ZDHHC20: variants seen among roughly 807,000 people sequenced by gnomAD.
ZDHHC20 encodes the protein zDHHC palmitoyltransferase 20.
Under a neutral mutation model 57.8 loss-of-function variants are expected in ZDHHC20, and 43 were observed. That is an observed-to-expected ratio of 0.74 (90% CI 0.58 to 0.96). ZDHHC20 has a LOEUF of 0.96. Among genes scored for constraint, ZDHHC20 ranks in the 40% least tolerant of loss-of-function variants. The pLI is 0.00. For synonymous variants in ZDHHC20, 157 were observed against 153.0 expected (o/e 1.03, Z -0.19); for missense variants, 391 against 441.1 (o/e 0.89, Z 1.02).
intron 4 of ZDHHC20, among the ~76,000 whole-genome samples, chr13:21,410,199 G>T (rs771436039): frequency 1.3e-5 from 2 of 152,244 alleles, no homozygotes; most frequent in African/African-American, 4.8e-5. Context: ...TGTTTGCCTG[G>T]GTATCACCAG....
At chr13:21,409,122 T>C (rs1410560757) in intron 4 of ZDHHC20, among the ~76,000 whole-genome samples, 2 of 152,216 alleles carry the variant, frequency 1.3e-5, no homozygotes, top group East Asian at 1.9e-4. Context: ...GCTGGCCTCA[T>C]AAAATGAGTT....
At chr13:21,418,721 T>C (rs1436783710) in intron 3 of ZDHHC20, among the ~76,000 whole-genome samples, 1 of 152,214 alleles carries the variant, frequency 6.6e-6, no homozygotes, top group African/African-American at 2.4e-5. Flanking sequence ...CTGCCTGGGC[T>C]GCAGTGCAGT....
chr13:21,380,254 T>C lies in ZDHHC20; in HGVS notation c.1060+1180A>G, dbSNP rs113350283. The stretch of plus-strand genomic sequence containing the variant: ...CCTCAGCCTCCCGAGTAGCTGGGAT[T>C]ACAGGCACGTGCCACCACACCTGGC... On this transcript the variant is annotated intron_variant, in intron 11 of 12. Transcript: ENST00000400590. Among the ~76,000 whole-genome samples the C allele has an allele frequency of 1.2e-3, 175 of 151,942 alleles. 1 individual carries two copies. The highest frequency in any genetic ancestry group is 6.8e-3 in the Middle Eastern group (2 of 294).
At chr13:21,446,627 T>G (rs372722912) in intron 1 of ZDHHC20, among the ~76,000 whole-genome samples, 171 of 152,362 alleles carry the variant, frequency 1.1e-3, no homozygotes, top group African/African-American at 4.0e-3. Flanking sequence ...GGGAATCTAT[T>G]CTCCATAAAA....
chr13:21,376,786 A>G, intron 12 of ZDHHC20, 131 bp from the exon 13 acceptor site: 1 of 487,558 alleles, frequency 2.1e-6, no homozygotes, highest in Non-Finnish European at 3.6e-6. Context: ...CCTTAACACT[A>G]CTAATATTAT....
rs900345988 is a variant in ZDHHC20 at position 21,373,821 on chromosome 13, A to G, written c.*2875T>C. 1 of 152,206 alleles carries G rather than the reference A, an allele frequency of 6.6e-6. No homozygotes were observed. Among genetic ancestry groups the G allele is most frequent in the Non-Finnish European group, 1.5e-5 (1 of 68,034 alleles). The allele number at this position is 152,206 out of a possible 1,614,324, so 9.4% of individuals were successfully genotyped here. A position where few individuals can be genotyped will look rare whatever the true frequency, so the allele number is the denominator to read the frequency against. On this transcript the variant is annotated 3_prime_UTR_variant, in exon 13 of 13. Coordinates refer to ENST00000400590, the MANE Select transcript of ZDHHC20 (RefSeq NM_001330059.2). ...GAGGCAGCCTTTCCCTGATTCCCAC[A>G]CCACTTGTAGGCCTTTGCTAGAATG...
chr13:21,449,232 A>T (rs959498064), intron 1 of ZDHHC20, among the ~76,000 whole-genome samples: 18 of 152,284 alleles, frequency 1.2e-4, no homozygotes, highest in East Asian at 1.2e-3. Context: ...TAAATTAAAA[A>T]AAATAAATAA....
chr13:21,450,159 GA>G lies in ZDHHC20; in HGVS notation c.118+8894del, dbSNP rs141738363. ...TATTAGGAGCAGCAGGTTCAAGGGA[GA>G]AAAAAAAAGAAAATCAAGAGTTTTG... On this transcript the variant is annotated intron_variant, in intron 1 of 12. Transcript: ENST00000400590. Among the ~76,000 whole-genome samples, 14 of 150,562 alleles carry G rather than the reference GA, an allele frequency of 9.3e-5. No homozygotes were observed. In the East Asian group the frequency reaches 2.5e-3, roughly 27 times the overall value.
At chr13:21,414,640 G>A (rs1422939809) in intron 3 of ZDHHC20, among the ~76,000 whole-genome samples, 1 of 151,196 alleles carries the variant, frequency 6.6e-6, no homozygotes, top group African/African-American at 2.4e-5. Flanking sequence ...CAAAGTGGTG[G>A]GATTACAGGC....
At chr13:21,427,380 G>A (rs1881382289) in intron 1 of ZDHHC20, among the ~76,000 whole-genome samples, 2 of 152,148 alleles carry the variant, frequency 1.3e-5, no homozygotes, top group Admixed American at 1.3e-4. Context: ...AGTCTGTTCA[G>A]ACTACTGGTA....
chr13:21,419,668 A>G (rs2137898680), intron 3 of ZDHHC20, among the ~76,000 whole-genome samples: 2 of 152,348 alleles, frequency 1.3e-5, no homozygotes, highest in Middle Eastern at 6.8e-3. Context: ...TAATACAAAA[A>G]CAGGCAAAAC....
chr13:21,440,857 AC>A (rs1463594782), intron 1 of ZDHHC20, among the ~76,000 whole-genome samples: 2 of 152,120 alleles, frequency 1.3e-5, no homozygotes, highest in African/African-American at 4.8e-5. Context: ...ATTAGTCAAT[AC>A]ATCTGTCCAT....
At chr13:21,398,924 C>T (rs1329449012) in intron 7 of ZDHHC20, among the ~76,000 whole-genome samples, 2 of 152,092 alleles carry the variant, frequency 1.3e-5, no homozygotes, top group Admixed American at 6.6e-5. Context: ...GTAGAAAGAA[C>T]CAACAGTGAG....
intron 1 of ZDHHC20, among the ~76,000 whole-genome samples, chr13:21,436,628 G>C (rs1169886745): frequency 1.3e-5 from 2 of 152,162 alleles, no homozygotes; most frequent in Admixed American, 1.3e-4. Flanking sequence ...CCACTCCACT[G>C]ACCAGACATT....
intron 1 of ZDHHC20, among the ~76,000 whole-genome samples, chr13:21,428,052 T>TTA (rs1323553681): frequency 6.6e-6 from 1 of 152,102 alleles, no homozygotes; most frequent in Admixed American, 6.6e-5. Context: ...CATGACTTTT[T>TTA]CACCAGCATC....
At chr13:21,412,826 G>A (rs1335308804) in intron 4 of ZDHHC20, among the ~76,000 whole-genome samples, 2 of 151,728 alleles carry the variant, frequency 1.3e-5, no homozygotes, top group Non-Finnish European at 2.9e-5. Flanking sequence ...AAAATTAGCC[G>A]GGTTTGGTGG....
chr13:21,428,874 A>C (rs971694442), intron 1 of ZDHHC20, among the ~76,000 whole-genome samples: 2 of 138,786 alleles, frequency 1.4e-5, no homozygotes, highest in African/African-American at 6.4e-5. Flanking sequence ...AAACAAAATA[A>C]AACAAAACAA....
chr13:21,377,394 G>A lies in ZDHHC20; in HGVS notation c.*41-739C>T, dbSNP rs983755797. On this transcript the variant is annotated intron_variant, in intron 12 of 12. Coordinates refer to ENST00000400590, the MANE Select transcript of ZDHHC20 (RefSeq NM_001330059.2). ...CGTGACCTCCACCCCTAGTGCCTGT[G>A]ATCTGACTCTGCCCGACGTGACCTC... Among the ~76,000 whole-genome samples, 395 of 129,680 alleles carry A rather than the reference G, an allele frequency of 3.0e-3. 1 individual carries two copies. Among genetic ancestry groups the A allele is most frequent in the South Asian group, 5.7e-3 (21 of 3,674 alleles). 85.1% of individuals were successfully genotyped at this position (129,680 alleles called of 152,430 possible).
chr13:21,382,383 T>G (rs1407192777), intron 10 of ZDHHC20, among the ~76,000 whole-genome samples: 1 of 152,184 alleles, frequency 6.6e-6, no homozygotes, highest in African/African-American at 2.4e-5. Context: ...TCTAGCTTCT[T>G]TAAAATTTCA....
Sources: allele counts gnomAD v4.1 joint callset (sites outside exome capture counted in the v4.1 genomes callset), GRCh38; gene constraint gnomAD v4.1.1; transcripts MANE v1.5; gene names NCBI Gene and HGNC (gene_info 2026-07-23, HGNC 2026-07-21).